Variants in DIP2C observed in about 807,000 individuals in gnomAD.
DIP2C encodes DIP2 acetate--CoA ligase C (putative), also known as disco-interacting protein 2 homolog C.
A neutral mutation model predicts 192.4 loss-of-function variants in DIP2C; 33 were observed. That is an observed-to-expected ratio of 0.17 (90% confidence interval 0.13 to 0.23). The LOEUF (loss-of-function observed/expected upper bound fraction) is 0.23. DIP2C is among the 10% of genes least tolerant of loss of function. The pLI, the probability that DIP2C is intolerant of heterozygous loss-of-function variation, is 1.00. For synonymous variants in DIP2C, 979 were observed against 864.1 expected, an observed-to-expected ratio of 1.13 and a Z score of -2.33; for missense variants, 1,537 against 2,110.1, an observed-to-expected ratio of 0.73 and a Z score of 5.32.
chr10:468,906 C>G (rs912292531), intron 3 of DIP2C, among the ~76,000 whole-genome samples: 11 of 152,226 alleles, frequency 7.2e-5, no homozygotes, highest in Non-Finnish European at 1.3e-4. Flanking sequence ...TTCATAGTAT[C>G]TTCTACACAG....
In DIP2C at chr10:561,997, C is replaced by A. The variant is rs1408208469; in HGVS notation, c.86-75467G>T. Among the ~76,000 whole-genome samples the A allele has an allele frequency of 2.0e-5, 3 of 152,206 alleles. No homozygotes were observed. In the East Asian group the frequency reaches 5.8e-4, roughly 29 times the overall value. The stretch of plus-strand genomic sequence containing the variant: ...GCACCTGTTCCTACAACTGCTGTCA[C>A]CAGACTATAGTGATTCTAAAATAAT... On this transcript the variant is annotated intron_variant, in intron 1 of 36. Transcript: ENST00000280886.
chr10:580,679 C>G lies in DIP2C; in HGVS notation c.86-94149G>C, dbSNP rs182311661. ...TTGTATAGTACACATATACCGAGAC[C>G]CAGAACAGGCCATGAATATTAACGC... On this transcript the variant is annotated intron_variant, in intron 1 of 36. Coordinates refer to ENST00000280886, the MANE Select transcript of DIP2C (RefSeq NM_014974.3). Among the ~76,000 whole-genome samples the G allele has an allele frequency of 1.4e-3, 213 of 152,164 alleles. 1 individual carries two copies. Among genetic ancestry groups the G allele is most frequent in the African/African-American group, 5.0e-3 (208 of 41,510 alleles).
At chr10:580,251 AGTATGTACATATGCAGTACATAGT>A (rs1174309728) in intron 1 of DIP2C, among the ~76,000 whole-genome samples, 4 of 152,100 alleles carry the variant, frequency 2.6e-5, no homozygotes, top group East Asian at 1.9e-4. Context: ...ACATGTGTAA[AGTATGTACATATGCAGTACATAGT>A]GTATGTACAT....
chr10:285,114 T>C (rs12261505), intron 34 of DIP2C, among the ~76,000 whole-genome samples: 26,377 of 146,440 alleles, frequency 0.18, 2,729 homozygotes, highest in African/African-American at 0.28. Flanking sequence ...GCAGTTCTGA[T>C]CTTTCATGTA....
chr10:318,198 A>T (rs570608859), intron 31 of DIP2C, among the ~76,000 whole-genome samples: 1 of 152,278 alleles, frequency 6.6e-6, no homozygotes, highest in Non-Finnish European at 1.5e-5. Flanking sequence ...CATACATCTC[A>T]ACCGTCCTCC....
intron 3 of DIP2C, among the ~76,000 whole-genome samples, chr10:449,891 C>T (rs537875865): frequency 2.9e-4 from 43 of 146,126 alleles, no homozygotes; most frequent in Middle Eastern, 3.5e-3. Flanking sequence ...CAGTCATGTG[C>T]CAAATAAAGA....
intron 17 of DIP2C, among the ~76,000 whole-genome samples, chr10:370,391 G>T (rs766857250): frequency 2.0e-5 from 3 of 152,176 alleles, no homozygotes; most frequent in African/African-American, 7.2e-5. Context: ...TACCCAGGAC[G>T]TTCCTCCGGC....
At chr10:605,695 C>G (rs1028941336) in intron 1 of DIP2C, among the ~76,000 whole-genome samples, 1 of 152,334 alleles carries the variant, frequency 6.6e-6, no homozygotes, top group African/African-American at 2.4e-5. Flanking sequence ...TCCCTCAGAA[C>G]TACTCAATCA....
intron 15 of DIP2C, 109 bp from the exon 16 acceptor site, chr10:384,255 C>T: frequency 7.8e-7 from 1 of 1,284,122 alleles, no homozygotes. Flanking sequence ...TCACTGGTCA[C>T]CCAGCCCCCA....
At chr10:539,471 C>T (rs1428030271) in intron 1 of DIP2C, among the ~76,000 whole-genome samples, 1 of 152,208 alleles carries the variant, frequency 6.6e-6, no homozygotes, top group African/African-American at 2.4e-5. Context: ...TATGCAAACA[C>T]TATGCCATTT....
Position 646,497 on chromosome 10 carries a change from G to A in DIP2C, c.85+42997C>T, listed in dbSNP as rs980237676. On this transcript the variant is annotated intron_variant, in intron 1 of 36. Coordinates refer to ENST00000280886, the MANE Select transcript of DIP2C (RefSeq NM_014974.3). ...CACCAGCCAGGTAGCACCTGCTCCT[G>A]CCGGCCTGCAGGATCACAGGGCCTG... Among the ~76,000 whole-genome samples the A allele has an allele frequency of 6.6e-5, 10 of 152,238 alleles. No homozygotes were observed. The East Asian group carries it at 1.9e-3, about 29-fold the overall frequency.
chr10:437,907 G>GA (rs1391438393), intron 4 of DIP2C: 1 of 152,130 alleles, frequency 6.6e-6, no homozygotes, highest in Non-Finnish European at 1.5e-5. Flanking sequence ...CAACAACCAA[G>GA]AAAAATAGGT....
At chr10:364,261 G>T in intron 20 of DIP2C, 113 bp downstream of exon 20, 1 of 1,260,698 alleles carries the variant, frequency 7.9e-7, no homozygotes, top group Non-Finnish European at 1.1e-6. Flanking sequence ...CATGGAAGAG[G>T]AAACGGAGAC....
intron 3 of DIP2C, among the ~76,000 whole-genome samples, chr10:462,791 CTG>C (rs1564742594): frequency 1.3e-5 from 2 of 152,154 alleles, no homozygotes; most frequent in African/African-American, 4.8e-5. Flanking sequence ...TGCTGGCAAA[CTG>C]AATCCAGCAG....
At chr10:622,543 G>A (rs191369561) in intron 1 of DIP2C, among the ~76,000 whole-genome samples, 2 of 152,304 alleles carry the variant, frequency 1.3e-5, no homozygotes, top group Admixed American at 1.3e-4. Flanking sequence ...GGACAGGGCT[G>A]TAATTGGAGT....
At chr10:339,366 G>T in intron 29 of DIP2C, among the ~76,000 whole-genome samples, 1 of 152,108 alleles carries the variant, frequency 6.6e-6, no homozygotes, top group East Asian at 1.9e-4. Context: ...GTGATCTTGT[G>T]ACTTCTGAGT....
intron 1 of DIP2C, among the ~76,000 whole-genome samples, chr10:600,523 C>T (rs970240322): frequency 2.9e-5 from 3 of 102,518 alleles, no homozygotes; most frequent in African/African-American, 6.4e-5. Flanking sequence ...AGCGACCCCA[C>T]AAGCCCTGTC....
chr10:665,660 C>G (rs372391473), intron 1 of DIP2C: 6 of 152,312 alleles, frequency 3.9e-5, no homozygotes, highest in African/African-American at 1.4e-4. Flanking sequence ...CATCGTCCTC[C>G]ACCCTCCAGA....
At chr10:538,374 C>CAA (rs763790326) in intron 1 of DIP2C, among the ~76,000 whole-genome samples, 11 of 151,126 alleles carry the variant, frequency 7.3e-5, no homozygotes, top group Non-Finnish European at 1.5e-4. Flanking sequence ...AGCCTGGTCT[C>CAA]AAACTCCTGG....
Sources: gnomAD v4.1 joint callset for allele counts (sites outside exome capture counted in the v4.1 genomes callset) on GRCh38, gnomAD v4.1.1 for gene constraint, MANE v1.5 for transcripts, NCBI Gene and HGNC (gene_info 2026-07-23, HGNC 2026-07-21) for gene names.